Variants in GRK1 observed in about 807,000 individuals in gnomAD.
The protein encoded by GRK1 is G protein-coupled receptor kinase 1, also known as rhodopsin kinase GRK1.
A neutral mutation model predicts 41.7 loss-of-function variants in GRK1; 28 were observed. The ratio of observed to expected loss-of-function variants is 0.67; its 90% CI spans 0.50 to 0.92. The LOEUF (loss-of-function observed/expected upper bound fraction) is 0.92, where lower values mean the gene tolerates loss of function less well. Ranked by LOEUF, GRK1 falls within the 40% of genes least tolerant of loss-of-function variation. The pLI is 0.00. For synonymous variants in GRK1, 327 were observed against 286.7 expected (o/e 1.14, Z -1.42); for missense variants, 703 against 671.2 (o/e 1.05, Z -0.52).
At chr13:113,730,886 A>C (rs2049931982) in intron 4 of GRK1, among the ~76,000 whole-genome samples, 1 of 152,222 alleles carries the variant, frequency 6.6e-6, no homozygotes, top group African/African-American at 2.4e-5. Flanking sequence ...TCCCCAGTAA[A>C]AGAGTCCAGG....
chr13:113,735,665 G>C lies in GRK1; in HGVS notation c.*302G>C. On this transcript the variant is annotated 3_prime_UTR_variant, in exon 7 of 7. Transcript: ENST00000335678. ...TAAGCCAAAAATCTACAAACTCTTA[G>C]GGAGCCTCCTGCATTGGTGATTGAC... 3.4e-6 allele frequency: 1 copy of C among 290,470 alleles called. No homozygotes were observed. The highest frequency in any genetic ancestry group is 1.2e-4 in the South Asian group (1 of 8,502). The allele number at this position is 290,470 out of a possible 1,614,324, so 18.0% of individuals were successfully genotyped here.
chr13:113,651,615 G>A, the GRK1 span: 8 of 1,516,100 alleles, frequency 5.3e-6, no homozygotes, highest in South Asian at 2.6e-5. Context: ...GAACCAGCAC[G>A]ACCCTGACAA....
intron 4 of GRK1, among the ~76,000 whole-genome samples, chr13:113,724,088 C>T (rs538160963): frequency 6.6e-6 from 1 of 152,318 alleles, no homozygotes; most frequent in East Asian, 1.9e-4. Flanking sequence ...TCTCACCTCC[C>T]CCCAGGCAGG....
intron 6 of GRK1, among the ~76,000 whole-genome samples, chr13:113,734,071 CGTGTATGTGTGTGT>C (rs1425065671): frequency 6.6e-6 from 1 of 151,548 alleles, no homozygotes; most frequent in East Asian, 1.9e-4. Flanking sequence ...CATGTGTGTG[CGTGTATGTGTGTGT>C]GTTCATGCAC....
At chr13:113,655,656 A>C in the GRK1 span, among the ~76,000 whole-genome samples, 1 of 150,378 alleles carries the variant, frequency 6.6e-6, no homozygotes, top group Non-Finnish European at 1.5e-5. Flanking sequence ...GCTTGTGTGG[A>C]TCGCAGGAGG....
chr13:113,665,994 TC>T (rs943430540), upstream of GRK1, among the ~76,000 whole-genome samples: 1 of 132,420 alleles, frequency 7.6e-6, no homozygotes, highest in Non-Finnish European at 1.6e-5. Context: ...CCCAGGTGTG[TC>T]CCAGGTGTGC....
intron 6 of GRK1, among the ~76,000 whole-genome samples, chr13:113,733,652 CGT>C (rs1315693149): frequency 0.066 from 5,200 of 78,660 alleles, 130 homozygotes; most frequent in East Asian, 0.12. Context: ...TGTGTGCATA[CGT>C]GTGTGTGCGT....
the GRK1 span, among the ~76,000 whole-genome samples, chr13:113,661,151 G>A: frequency 2.0e-5 from 3 of 152,152 alleles, no homozygotes; most frequent in African/African-American, 4.8e-5. Flanking sequence ...TACAGAGTAT[G>A]TTCTCCAATC....
intron 4 of GRK1, among the ~76,000 whole-genome samples, chr13:113,723,434 C>T (rs1336261299): frequency 1.3e-5 from 2 of 152,012 alleles, no homozygotes; most frequent in African/African-American, 2.4e-5. Flanking sequence ...AGGTGGTCGC[C>T]GCACAGTTTG....
At chr13:113,657,352 C>A in the GRK1 span, among the ~76,000 whole-genome samples, 1 of 152,250 alleles carries the variant, frequency 6.6e-6, no homozygotes, top group Non-Finnish European at 1.5e-5. Context: ...TTCCTCCAGA[C>A]TCTCTCATAA....
In GRK1 at chr13:113,731,372, A is replaced by G. The variant is rs568280589; in HGVS notation, c.1194+29A>G. On this transcript the variant is annotated intron_variant, in intron 5 of 6. Transcript: ENST00000335678. The surrounding 1 kb of genome is among the most constrained non-coding windows in gnomAD (Gnocchi z 5.6). ...GGAGGCGGCCGGCAGGTGTCTCTGCAGCCACCTTGGCGCCCTGGCTCTCGA... is the reference window on the plus strand; with the variant it reads ...GGAGGCGGCCGGCAGGTGTCTCTGCGGCCACCTTGGCGCCCTGGCTCTCGA... The G allele has an allele frequency of 1.5e-5, 23 of 1,536,114 alleles. No homozygotes were observed. In the East Asian group the frequency reaches 4.6e-4, roughly 31 times the overall value.
At position 113,735,275 on chromosome 13, in the gene GRK1, G is replaced by A. The variant is rs1030903666; in HGVS notation, c.1604G>A (p.Arg535His). Residue 535 changes from arginine to histidine, a missense_variant, in exon 7 of 7, where the codon CGC (arginine) becomes CAC (histidine). Arg to His is a conservative substitution (Grantham distance 29). Transcript: ENST00000335678. The stretch of plus-strand genomic sequence containing the variant: ...ATCTTTGGCGAGCTGAACGTGTGGC[G>A]CTCGGACGGTCAGATGCCGGACGAC... ...TGIFGELNVW[R>H]SDGQMPDDMK... 2.6e-6 allele frequency: 4 copies of A among 1,536,444 alleles called. No individual in the cohort carries two copies. Among genetic ancestry groups the A allele is most frequent in the African/African-American group, 1.4e-5 (1 of 73,032 alleles).
Position 113,731,401 on chromosome 13 carries a change from G to C in GRK1, c.1194+58G>C. 1 of 1,532,754 alleles carries C rather than the reference G, an allele frequency of 6.5e-7. No homozygotes were observed. Among genetic ancestry groups the C allele is most frequent in the African/African-American group, 1.4e-5 (1 of 73,096 alleles). 94.9% of individuals were successfully genotyped at this position (1,532,754 alleles called of 1,614,324 possible). A position where few individuals can be genotyped will look rare whatever the true frequency, so the allele number is the denominator to read the frequency against. ...ACCTTGGCGCCCTGGCTCTCGATGG[G>C]GACGGGGCAGTGATGGGATCGTTAC... is the stretch of plus-strand genomic sequence containing the variant. On this transcript the variant is annotated intron_variant, in intron 5 of 6. Transcript: ENST00000335678. This position sits in a 1 kb window ranked among gnomAD's most constrained non-coding sequence, Gnocchi z 5.6.
chr13:113,658,597 G>A, the GRK1 span, among the ~76,000 whole-genome samples: 26 of 152,356 alleles, frequency 1.7e-4, 1 homozygote, highest in African/African-American at 6.0e-4. Flanking sequence ...GAGGGCGTGA[G>A]GCAGGCGAGT....
Position 113,735,613 on chromosome 13 carries a change from A to G in GRK1, c.*250A>G, listed in dbSNP as rs2049998551. 1 of 424,106 alleles carries G rather than the reference A, an allele frequency of 2.4e-6. No homozygotes were observed. The highest frequency in any genetic ancestry group is 4.2e-6 in the Non-Finnish European group (1 of 240,166). 26.3% of individuals were successfully genotyped at this position (424,106 alleles called of 1,614,324 possible). On this transcript the variant is annotated 3_prime_UTR_variant, in exon 7 of 7. Transcript: ENST00000335678. ...ACGTCTTTTGCTCCATCTCACTGAG[A>G]AGACATAAGATGCTCTCCAGAGGGA...
chr13:113,667,938 C>A lies in GRK1; in HGVS notation c.552C>A (p.Pro184=). The change falls in exon 1 of 7, where the codon CCC becomes CCA. Residue 184 remains proline (P), a synonymous_variant. Coordinates refer to ENST00000335678, the MANE Select transcript of GRK1 (RefSeq NM_002929.3). This position sits in a 1 kb window ranked among gnomAD's most constrained non-coding sequence, Gnocchi z 7.5. The part of the protein sequence containing the change: ...FLQWKWLEAQ[P]MGEDWFLDFR... ...AGTGGAAGTGGCTGGAAGCCCAGCC[C>A]ATGGGGGAGGACTGGTTCCTGGACT... 1 of 1,609,608 alleles carries A rather than the reference C, an allele frequency of 6.2e-7. No individual in the cohort carries two copies.
chr13:113,658,175 C>G, the GRK1 span: 2 of 1,589,492 alleles, frequency 1.3e-6, no homozygotes, highest in Non-Finnish European at 8.6e-7. Flanking sequence ...CCCGTCTGCT[C>G]CCTGCACCCT....
At position 113,668,119 on chromosome 13, in the gene GRK1, TGGCAGGGTGCAGGGATGGGGC is replaced by T. The variant is rs774406072; in HGVS notation, c.699+47_699+67del. On this transcript the variant is annotated intron_variant, in intron 1 of 6. Transcript: ENST00000335678. ...CGCGACCCGGCCAGCAGGGATGGGG[TGGCAGGGTGCAGGGATGGGGC>T]GGCAGGGTGCAGAGGGCCCCCAGGT... is the stretch of plus-strand genomic sequence containing the variant. The T allele has an allele frequency of 5.1e-6, 8 of 1,573,116 alleles. No homozygotes were observed. In the South Asian group the frequency reaches 7.0e-5, roughly 14 times the overall value.
rs1428760783 is a variant in GRK1, at chr13:113,736,301, G to C, written c.*938G>C. 2 of 152,278 alleles carry C rather than the reference G, an allele frequency of 1.3e-5. No individual in the cohort carries two copies. Among genetic ancestry groups the C allele is most frequent in the Admixed American group, 1.3e-4 (2 of 15,284 alleles). 9.4% of individuals were successfully genotyped at this position (152,278 alleles called of 1,614,324 possible). ...TCTCCCAGGGGACACTTCAGGCCAC[G>C]GGCCTTGTGCATAGGGACAGAGCTC... On this transcript the variant is annotated 3_prime_UTR_variant, in exon 7 of 7. Transcript: ENST00000335678.
Sources: allele counts gnomAD v4.1 joint callset (sites outside exome capture counted in the v4.1 genomes callset), GRCh38; gene constraint gnomAD v4.1.1; non-coding constraint Gnocchi (gnomAD v3.1); transcripts MANE v1.5; gene names NCBI Gene and HGNC (gene_info 2026-07-23, HGNC 2026-07-21).